The following PDE1C variants were observed in gnomAD, a reference collection of about 807,000 sequenced individuals.
PDE1C encodes dual specificity calcium/calmodulin-dependent 3',5'-cyclic nucleotide phosphodiesterase 1C.
In PDE1C, 62 loss-of-function variants were observed where a neutral mutation model predicts 93.1. The observed-to-expected ratio is 0.67, with a 90% CI of 0.54 to 0.82. PDE1C has a LOEUF of 0.82. Among genes scored for constraint, PDE1C ranks in the 40% least tolerant of loss-of-function variants. PDE1C has a pLI of 0.00. For synonymous variants in PDE1C, 325 were observed against 310.1 expected (o/e 1.05, Z -0.50); for missense variants, 742 against 884.6 (o/e 0.84, Z 2.04).
chr7:31,930,656 C>G (rs1584032964), intron 2 of PDE1C, among the ~76,000 whole-genome samples: 1 of 151,670 alleles, frequency 6.6e-6, no homozygotes, highest in South Asian at 2.1e-4. Flanking sequence ...CTGGCTAACA[C>G]AGTGAAACCT....
At chr7:32,124,802 A>G (rs1265351962) in intron 3 of PDE1C, among the ~76,000 whole-genome samples, 3 of 152,250 alleles carry the variant, frequency 2.0e-5, no homozygotes, top group African/African-American at 2.4e-5. Flanking sequence ...CATTCAGGAC[A>G]TAGGCATGGG....
At chr7:31,755,274 A>T (rs1794384977) in intron 17 of PDE1C, among the ~76,000 whole-genome samples, 1 of 152,224 alleles carries the variant, frequency 6.6e-6, no homozygotes, top group South Asian at 2.1e-4. Context: ...TAATAGAGAT[A>T]CAGGTGATTA....
At chr7:31,792,594 T>G (rs73319133) in intron 16 of PDE1C, among the ~76,000 whole-genome samples, 4,868 of 152,206 alleles carry the variant, frequency 0.032, 244 homozygotes, top group African/African-American at 0.11. Flanking sequence ...TCTATGGAGC[T>G]AATCTCACAG....
chr7:32,370,786 TAATA>T (rs66899931), intron 1 of PDE1C, among the ~76,000 whole-genome samples: 121,383 of 149,736 alleles, frequency 0.81, 50,778 homozygotes, highest in East Asian at 0.99. Context: ...TAAAGTATAA[TAATA>T]AATAAATAAA....
At chr7:32,014,596 G>C (rs1787623204) in intron 2 of PDE1C, among the ~76,000 whole-genome samples, 1 of 152,072 alleles carries the variant, frequency 6.6e-6, no homozygotes, top group Admixed American at 6.6e-5. Context: ...TGCATTAGGG[G>C]CTCTCCCTCC....
In PDE1C at chr7:32,098,229, CA is replaced by C. The variant is rs60146342; in HGVS notation, c.308+71555del. Among the ~76,000 whole-genome samples, 98 of 46,266 alleles carry C rather than the reference CA, an allele frequency of 2.1e-3. 3 individuals carry two copies. The highest frequency in any genetic ancestry group is 5.1e-3 in the African/African-American group (60 of 11,842). The allele number at this position is 46,266 out of a possible 152,430, so 30.4% of individuals were successfully genotyped here. A position where few individuals can be genotyped will look rare whatever the true frequency, so the allele number is the denominator to read the frequency against. On this transcript the variant is annotated intron_variant, in intron 3 of 18. Coordinates refer to the PDE1C transcript ENST00000396193. Reference sequence around the variant, plus strand: ...TGGGCGACAGAGCGAGACTCCGTCTCAAAAAAAAAAAAAAAAAAGACATAAA... The same window carrying C: ...TGGGCGACAGAGCGAGACTCCGTCTCAAAAAAAAAAAAAAAAAGACATAAA...
At chr7:32,165,954 C>G (rs935994057) in intron 3 of PDE1C, among the ~76,000 whole-genome samples, 1 of 151,868 alleles carries the variant, frequency 6.6e-6, no homozygotes, top group Non-Finnish European at 1.5e-5. Flanking sequence ...TTAACAATCC[C>G]CCCGGGTGAT....
At chr7:32,297,955 A>ATCTC (rs768784407) in intron 1 of PDE1C, among the ~76,000 whole-genome samples, 5 of 28,952 alleles carry the variant, frequency 1.7e-4, no homozygotes, top group South Asian at 3.8e-3. Context: ...CTATTGTTCA[A>ATCTC]TCTCTCTCTC....
chr7:31,638,671 TC>T, the PDE1C span, among the ~76,000 whole-genome samples: 1 of 152,250 alleles, frequency 6.6e-6, no homozygotes, highest in Non-Finnish European at 1.5e-5. Flanking sequence ...AAATCTGCCA[TC>T]CTTATCTTTG....
At chr7:32,385,492 A>G (rs1364106323) in intron 1 of PDE1C, among the ~76,000 whole-genome samples, 1 of 152,080 alleles carries the variant, frequency 6.6e-6, no homozygotes, top group African/African-American at 2.4e-5. Flanking sequence ...TCTGTCCATT[A>G]CCCTACCAAG....
chr7:31,939,459 C>G (rs1805534514), intron 2 of PDE1C, among the ~76,000 whole-genome samples: 2 of 152,148 alleles, frequency 1.3e-5, no homozygotes, highest in South Asian at 4.1e-4. Flanking sequence ...TGGTTGAAGT[C>G]TGGGAGGGTC....
the PDE1C span, among the ~76,000 whole-genome samples, chr7:31,734,965 T>C: frequency 0.99 from 151,175 of 152,316 alleles, 75,027 homozygotes; most frequent in East Asian, 1. Context: ...CTTGCTACTC[T>C]AAGTATGGTC....
chr7:31,840,877 G>A (rs972237363), intron 9 of PDE1C, among the ~76,000 whole-genome samples: 3 of 151,938 alleles, frequency 2.0e-5, no homozygotes, highest in African/African-American at 7.2e-5. Flanking sequence ...CATTTAAAAA[G>A]TATTATTTGG....
chr7:32,205,026 G>A (rs549510371), intron 2 of PDE1C, among the ~76,000 whole-genome samples: 1 of 152,326 alleles, frequency 6.6e-6, no homozygotes, highest in East Asian at 1.9e-4. Context: ...GAGAGGGGAG[G>A]AAGGCTGAAA....
At chr7:31,953,039 T>A (rs558744764) in intron 2 of PDE1C, among the ~76,000 whole-genome samples, 112 of 152,320 alleles carry the variant, frequency 7.4e-4, no homozygotes, top group South Asian at 6.2e-3. Flanking sequence ...GTGCCCTGCA[T>A]GCTTTTCCAC....
intron 1 of PDE1C, among the ~76,000 whole-genome samples, chr7:32,315,272 T>C (rs1395013751): frequency 6.6e-6 from 1 of 151,908 alleles, no homozygotes; most frequent in South Asian, 2.1e-4. Flanking sequence ...TGGGATCAAA[T>C]GCAGCCCAGG....
intron 1 of PDE1C, among the ~76,000 whole-genome samples, chr7:32,291,935 C>A (rs1812357436): frequency 6.6e-6 from 1 of 152,206 alleles, no homozygotes; most frequent in Admixed American, 6.5e-5. Context: ...AAGGTGCTAA[C>A]CCCATCTCTG....
intron 1 of PDE1C, among the ~76,000 whole-genome samples, chr7:32,420,959 T>C (rs1372097506): frequency 2.6e-5 from 4 of 152,116 alleles, no homozygotes; most frequent in Non-Finnish European, 5.9e-5. Context: ...ATCCATGATC[T>C]CACCTGATCC....
At chr7:32,415,697 C>T (rs559954972) in intron 1 of PDE1C, among the ~76,000 whole-genome samples, 11 of 149,136 alleles carry the variant, frequency 7.4e-5, no homozygotes, top group Admixed American at 2.0e-4. Flanking sequence ...AAAAGGCTGG[C>T]GGTGGGAGAG....
Sources: gnomAD v4.1 joint callset for allele counts (sites outside exome capture counted in the v4.1 genomes callset) on GRCh38, gnomAD v4.1.1 for gene constraint, MANE v1.5 for transcripts, NCBI Gene and HGNC (gene_info 2026-07-23, HGNC 2026-07-21) for gene names.